PPEF2: variants seen among roughly 807,000 people sequenced by gnomAD.
PPEF2 encodes serine/threonine-protein phosphatase with EF-hands 2.
In PPEF2, 84 loss-of-function variants were observed where a neutral mutation model predicts 84.7. The observed-to-expected ratio is 0.99, with a 90% CI of 0.83 to 1.19. The LOEUF is 1.19. PPEF2 is among the 50% of genes most tolerant of loss of function. The pLI, the probability that PPEF2 is intolerant of heterozygous loss-of-function variation, is 0.00. For missense variants in PPEF2, 924 were observed against 937.5 expected (o/e 0.99, Z 0.19); for synonymous variants, 346 against 345.2 (o/e 1.00, Z -0.03).
At chr4:75,885,783 G>A (rs1383449403) in intron 7 of PPEF2, among the ~76,000 whole-genome samples, 1 of 152,144 alleles carries the variant, frequency 6.6e-6, no homozygotes, top group Non-Finnish European at 1.5e-5. Flanking sequence ...GGCTGAGGCA[G>A]GTGGATCATG....
chr4:75,885,957 C>G (rs763844507), intron 7 of PPEF2, among the ~76,000 whole-genome samples: 1 of 151,644 alleles, frequency 6.6e-6, no homozygotes, highest in South Asian at 2.1e-4. Flanking sequence ...TGCAGTGAGC[C>G]GAGATCGTGC....
chr4:75,873,707 C>A (rs374154034), intron 11 of PPEF2, among the ~76,000 whole-genome samples: 68 of 152,212 alleles, frequency 4.5e-4, no homozygotes, highest in African/African-American at 1.5e-3. Flanking sequence ...CTGGGACTGG[C>A]AAGAGAGTCT....
intron 5 of PPEF2, among the ~76,000 whole-genome samples, chr4:75,888,641 T>C (rs1194398641): frequency 6.6e-6 from 1 of 152,200 alleles, no homozygotes; most frequent in East Asian, 1.9e-4. Flanking sequence ...TATGACTAAG[T>C]GCAGGTGTGT....
rs759570831 is a variant in PPEF2 at position 75,876,436 on chromosome 4, G to A, written c.1171C>T (p.Arg391Trp). The stretch of plus-strand genomic sequence containing the variant: ...TCTAGCTCCAGTTCCACGGAGCTCC[G>A]CACCTGCCGGGAGAGCTCCCGCCCG... The part of the protein sequence containing the change: ...LDGRELSRQV[R>W]SSVELELERC... The change falls in exon 11 of 17, where the codon CGG (arginine) becomes TGG (tryptophan). Residue 391 changes from arginine to tryptophan, a missense_variant. Arg to Trp is a moderately radical substitution (Grantham distance 101, BLOSUM62 -3). Transcript: ENST00000286719. The A allele has an allele frequency of 3.7e-6, 6 of 1,614,110 alleles. No individual in the cohort carries two copies. Among genetic ancestry groups the A allele is most frequent in the South Asian group, 1.1e-5 (1 of 91,068 alleles).
At chr4:75,873,959 T>A (rs1724347517) in intron 11 of PPEF2, among the ~76,000 whole-genome samples, 1 of 151,308 alleles carries the variant, frequency 6.6e-6, no homozygotes, top group African/African-American at 2.4e-5. Flanking sequence ...TACAAAAAAA[T>A]GAGCCAGGCA....
At position 75,889,974 on chromosome 4, in the gene PPEF2, C is replaced by T; in HGVS notation, c.400G>A (p.Ala134Thr). The change falls in exon 5 of 17, where the codon GCA (alanine) becomes ACA (threonine). Residue 134 changes from alanine (A) to threonine (T), a missense_variant. Ala to Thr is a moderately conservative substitution (Grantham distance 58). Coordinates refer to ENST00000286719, the MANE Select transcript of PPEF2 (RefSeq NM_006239.3). ...LPDHATALVEAFRLKQQLHAR... is the reference protein window; with the variant it reads ...LPDHATALVETFRLKQQLHAR... ...GAGCTTACTTGTTTCAGTCTGAATGCTTCTACCAGGGCAGTTGCATGGTCA... is the reference window on the plus strand; with the variant it reads ...GAGCTTACTTGTTTCAGTCTGAATGTTTCTACCAGGGCAGTTGCATGGTCA... The T allele has an allele frequency of 1.2e-6, 2 of 1,614,124 alleles. No homozygotes were observed. Among genetic ancestry groups the T allele is most frequent in the African/African-American group, 1.3e-5 (1 of 75,040 alleles).
At position 75,876,372 on chromosome 4, in the gene PPEF2, T is replaced by C; in HGVS notation, c.1235A>G (p.Glu412Gly). 6.2e-7 allele frequency: 1 copy of C among 1,614,090 alleles called. No homozygotes were observed. Among genetic ancestry groups the C allele is most frequent in the South Asian group, 1.1e-5 (1 of 91,074 alleles). ...GGCTGAGCGGGAGGGCTCCTCTTTC[T>C]CTCCGGTCACCAGGAGGCCTGCTTG... is the stretch of plus-strand genomic sequence containing the variant. ...RQQAGLLVTG[E>G]KEEPSRSASE... is the part of the protein sequence containing the mutation. Residue 412 changes from glutamate (E) to glycine (G), a missense_variant, in exon 11 of 17, where the codon GAG becomes GGG. Coordinates refer to ENST00000286719, the MANE Select transcript of PPEF2 (RefSeq NM_006239.3).
At chr4:75,879,748 C>T (rs1724516940) in intron 10 of PPEF2, among the ~76,000 whole-genome samples, 1 of 152,114 alleles carries the variant, frequency 6.6e-6, no homozygotes, top group South Asian at 2.1e-4. Flanking sequence ...CTTTCTTGCT[C>T]TGAGGCTTAA....
intron 6 of PPEF2, 101 bp downstream of exon 6, chr4:75,888,113 A>G (rs1216685627): frequency 2.2e-5 from 20 of 906,612 alleles, no homozygotes; most frequent in Non-Finnish European, 3.2e-5. Context: ...TTGGCTTATC[A>G]TCACATCTCC....
At chr4:75,872,253 G>A in intron 12 of PPEF2, 86 bp from the exon 13 acceptor site, 1 of 1,313,162 alleles carries the variant, frequency 7.6e-7, no homozygotes. Flanking sequence ...CTCAACTGCA[G>A]AAGCTGCTGT....
At chr4:75,886,114 A>T (rs1724714970) in intron 7 of PPEF2, among the ~76,000 whole-genome samples, 1 of 152,172 alleles carries the variant, frequency 6.6e-6, no homozygotes. Context: ...AGGTTCAGAC[A>T]TTCGGTGTAT....
At chr4:75,899,188 T>G (rs1292428427) in intron 1 of PPEF2, among the ~76,000 whole-genome samples, 1 of 152,208 alleles carries the variant, frequency 6.6e-6, no homozygotes, top group East Asian at 1.9e-4. Context: ...CAGAACAGGA[T>G]TTCATCCTTT....
chr4:75,894,527 G>A lies in PPEF2; in HGVS notation c.55+1744C>T, dbSNP rs1037868403. 3.3e-5 allele frequency among the ~76,000 whole-genome samples: 5 copies of A among 152,126 alleles called. No homozygotes were observed. In the East Asian group the frequency reaches 5.8e-4, roughly 18 times the overall value. On this transcript the variant is annotated intron_variant, in intron 2 of 16. Coordinates refer to ENST00000286719, the MANE Select transcript of PPEF2 (RefSeq NM_006239.3). The stretch of plus-strand genomic sequence containing the variant: ...TCAAAAGCATTGAAGGGAGATCTCC[G>A]GGTGCCAGAAATGAAGACGGAACCC...
chr4:75,862,104 C>G (rs1450414300), intron 16 of PPEF2, among the ~76,000 whole-genome samples: 1 of 151,000 alleles, frequency 6.6e-6, no homozygotes, highest in Non-Finnish European at 1.5e-5. Context: ...ACCAGTCTGG[C>G]CAATATGGTG....
At chr4:75,902,027 C>T (rs1725134727) in intron 1 of PPEF2, among the ~76,000 whole-genome samples, 1 of 152,124 alleles carries the variant, frequency 6.6e-6, no homozygotes, top group African/African-American at 2.4e-5. Context: ...CCCAAGAAAT[C>T]CAGGGCAGAA....
At chr4:75,894,202 C>A (rs1315966915) in intron 2 of PPEF2, among the ~76,000 whole-genome samples, 1 of 151,936 alleles carries the variant, frequency 6.6e-6, no homozygotes, top group South Asian at 2.1e-4. Flanking sequence ...TTGATGGTTA[C>A]CCTCTTATTT....
In PPEF2 at chr4:75,886,918, A is replaced by C. The variant is rs951165473; in HGVS notation, c.533-20T>G. On this transcript the variant is annotated intron_variant, in intron 6 of 16. Transcript: ENST00000286719. ...AGTCTCCTAACAAAGATAGAAAAAG[A>C]ATATCAATTCTGATTGTTCCTTACC... The C allele has an allele frequency of 2.9e-6, 4 of 1,360,782 alleles. No individual in the cohort carries two copies. Among genetic ancestry groups the C allele is most frequent in the Non-Finnish European group, 4.1e-6 (4 of 977,126 alleles). 84.3% of individuals were successfully genotyped at this position (1,360,782 alleles called of 1,614,324 possible).
At chr4:75,896,093 A>G (rs552468162) in intron 2 of PPEF2, among the ~76,000 whole-genome samples, 178 bp downstream of exon 2, 1 of 152,288 alleles carries the variant, frequency 6.6e-6, no homozygotes, top group Admixed American at 6.5e-5. Flanking sequence ...TCTGTCAAAT[A>G]TACTTCAACT....
rs1394728777 is a variant in PPEF2 at position 75,876,362 on chromosome 4, C to T, written c.1245G>A (p.Glu415=). ...AGLLVTGEKE[E]PSRSASEADS... ...CTGCTTCTGAGGCTGAGCGGGAGGGCTCCTCTTTCTCTCCGGTCACCAGGA... is the reference window on the plus strand; with the variant it reads ...CTGCTTCTGAGGCTGAGCGGGAGGGTTCCTCTTTCTCTCCGGTCACCAGGA... Residue 415 remains glutamate (E), a synonymous_variant, in exon 11 of 17, where the codon GAG becomes GAA. Coordinates refer to ENST00000286719, the MANE Select transcript of PPEF2 (RefSeq NM_006239.3). The T allele has an allele frequency of 1.2e-6, 2 of 1,613,952 alleles. No individual in the cohort carries two copies. The highest frequency in any genetic ancestry group is 1.1e-5 in the South Asian group (1 of 91,080).
Sources: gnomAD v4.1 joint callset for allele counts (sites outside exome capture counted in the v4.1 genomes callset) on GRCh38, gnomAD v4.1.1 for gene constraint, MANE v1.5 for transcripts, NCBI Gene and HGNC (gene_info 2026-07-23, HGNC 2026-07-21) for gene names.